Variants in ACER3 observed in about 807,000 individuals in gnomAD.
ACER3 encodes alkaline ceramidase 3, also known as alkCDase 3.
A neutral mutation model predicts 48.9 loss-of-function variants in ACER3; 16 were observed. The observed-to-expected ratio is 0.33, with a 90% confidence interval of 0.22 to 0.50. The LOEUF (loss-of-function observed/expected upper bound fraction) is 0.50. Ranked by LOEUF, ACER3 falls within the 20% of genes least tolerant of loss-of-function variation. The pLI, the probability that ACER3 is intolerant of heterozygous loss-of-function variation, is 0.98. For missense variants in ACER3, 227 were observed against 326.0 expected, an observed-to-expected ratio of 0.70 and a Z score of 2.34; for synonymous variants, 109 against 107.8, an observed-to-expected ratio of 1.01 and a Z score of -0.07.
intron 1 of ACER3, among the ~76,000 whole-genome samples, chr11:76,915,878 A>G (rs1471404474): frequency 6.6e-6 from 1 of 152,186 alleles, no homozygotes; most frequent in Non-Finnish European, 1.5e-5. Context: ...AGTCTCAAGA[A>G]CAGCATGGGG....
intron 1 of ACER3, among the ~76,000 whole-genome samples, chr11:76,892,683 A>T (rs942740918): frequency 2.6e-5 from 4 of 152,064 alleles, no homozygotes; most frequent in Non-Finnish European, 4.4e-5. Context: ...AGATTTGGGA[A>T]TTTTTTTTAA....
chr11:76,952,685 TAGA>T (rs1947715994), intron 2 of ACER3, among the ~76,000 whole-genome samples: 1 of 144,858 alleles, frequency 6.9e-6, no homozygotes. Context: ...TTTTTTTTTT[TAGA>T]CAGAGTCTCA....
Position 77,025,323 on chromosome 11 carries a change from A to G in ACER3, c.*4996A>G, listed in dbSNP as rs1382382052. 6.6e-6 allele frequency: 1 copy of G among 151,142 alleles called. No individual in the cohort carries two copies. The highest frequency in any genetic ancestry group is 1.9e-4 in the East Asian group (1 of 5,190). 9.4% of individuals were successfully genotyped at this position (151,142 alleles called of 1,614,324 possible). On this transcript the variant is annotated 3_prime_UTR_variant, in exon 11 of 11. Coordinates refer to ENST00000532485, the MANE Select transcript of ACER3 (RefSeq NM_018367.7). ...ATCAGGGGTTGGTAAACTACAACCC[A>G]TGGGCCAAATTCAGGCTGCGTTGTA...
chr11:76,940,027 T>A (rs1482441868), intron 2 of ACER3, among the ~76,000 whole-genome samples: 1 of 152,230 alleles, frequency 6.6e-6, no homozygotes, highest in African/African-American at 2.4e-5. Flanking sequence ...TGTAAGAGAA[T>A]GTCCATGCTT....
chr11:77,025,836 GGTACAGTGGTACA>G lies in ACER3; in HGVS notation c.*5522_*5534del, dbSNP rs1206012089. On this transcript the variant is annotated 3_prime_UTR_variant, in exon 11 of 11. Coordinates refer to ENST00000532485, the MANE Select transcript of ACER3 (RefSeq NM_018367.7). ...CCCCTGCTCTAGACTGTCAGCAAGT[GGTACAGTGGTACA>G]GTACAGTGGTACTGCCCAACTGCAC... 13 of 152,302 alleles carry G rather than the reference GGTACAGTGGTACA, an allele frequency of 8.5e-5. No individual in the cohort carries two copies. In the East Asian group the frequency reaches 2.1e-3, roughly 25 times the overall value. 9.4% of individuals were successfully genotyped at this position (152,302 alleles called of 1,614,324 possible).
At chr11:76,976,073 G>A (rs1948434983) in intron 3 of ACER3, among the ~76,000 whole-genome samples, 2 of 151,776 alleles carry the variant, frequency 1.3e-5, no homozygotes, top group Non-Finnish European at 2.9e-5. Context: ...TTTTTGTAGA[G>A]ACAGGATATT....
chr11:76,965,405 C>G (rs1280830110), intron 3 of ACER3, among the ~76,000 whole-genome samples: 1 of 151,372 alleles, frequency 6.6e-6, no homozygotes, highest in South Asian at 2.1e-4. Context: ...TCCAGGAGAA[C>G]TTCCCCAATC....
chr11:76,875,216 T>C (rs1201676824), intron 1 of ACER3, among the ~76,000 whole-genome samples: 1 of 148,834 alleles, frequency 6.7e-6, no homozygotes, highest in Non-Finnish European at 1.5e-5. Flanking sequence ...TGGGTTCAAG[T>C]GATTCTTGTG....
chr11:76,892,823 G>A lies in ACER3; in HGVS notation c.103+31744G>A, dbSNP rs969128756. ...AGTCTTAGCCAGAGCAATTTGTCAC[G>A]AGAAAGAAAGGAATTAAAAGCATCC... On this transcript the variant is annotated intron_variant, in intron 1 of 10. Transcript: ENST00000532485. Among the ~76,000 whole-genome samples the A allele has an allele frequency of 1.6e-4, 24 of 152,114 alleles. 1 individual carries two copies. Among genetic ancestry groups the A allele is most frequent in the Non-Finnish European group, 2.5e-4 (17 of 68,004 alleles).
At chr11:76,901,705 G>A (rs1371801085) in intron 1 of ACER3, among the ~76,000 whole-genome samples, 1 of 152,064 alleles carries the variant, frequency 6.6e-6, no homozygotes, top group East Asian at 1.9e-4. Context: ...GCAAGCAGGG[G>A]GTACGTGACT....
intron 1 of ACER3, among the ~76,000 whole-genome samples, chr11:76,922,001 A>G (rs1946696028): frequency 6.6e-6 from 1 of 152,158 alleles, no homozygotes; most frequent in Non-Finnish European, 1.5e-5. Context: ...AAACATCCCA[A>G]TGAGAAGCTG....
rs1947328806 is a variant in ACER3, at chr11:76,941,037, A to G, written c.214+14370A>G. On this transcript the variant is annotated intron_variant, in intron 2 of 10. Coordinates refer to ENST00000532485, the MANE Select transcript of ACER3 (RefSeq NM_018367.7). Reference sequence around the variant, plus strand: ...AACACACACACACACACACACACACACACGCACACACACACGCACACAGAA... The same window carrying G: ...AACACACACACACACACACACACACGCACGCACACACACACGCACACAGAA... Among the ~76,000 whole-genome samples the G allele has an allele frequency of 2.2e-5, 3 of 136,616 alleles. No homozygotes were observed. In the South Asian group the frequency reaches 6.4e-4, roughly 29 times the overall value. The allele number at this position is 136,616 out of a possible 152,430, so 89.6% of individuals were successfully genotyped here.
chr11:76,947,097 A>G (rs1464198684), intron 2 of ACER3, among the ~76,000 whole-genome samples: 1 of 152,034 alleles, frequency 6.6e-6, no homozygotes, highest in Non-Finnish European at 1.5e-5. Flanking sequence ...TCTCCTAGAC[A>G]ATCTGTTTGA....
At chr11:76,921,198 C>T (rs770387735) in intron 1 of ACER3, among the ~76,000 whole-genome samples, 1 of 152,096 alleles carries the variant, frequency 6.6e-6, no homozygotes, top group Non-Finnish European at 1.5e-5. Context: ...TGAAAAAAAT[C>T]ATTGCCTCTC....
intron 2 of ACER3, among the ~76,000 whole-genome samples, chr11:76,943,077 G>A (rs1212631413): frequency 6.6e-6 from 1 of 151,826 alleles, no homozygotes; most frequent in Non-Finnish European, 1.5e-5. Context: ...GGTTAGTCTA[G>A]CTAGTGGTTT....
intron 9 of ACER3, among the ~76,000 whole-genome samples, chr11:77,019,331 C>T (rs1022375367): frequency 2.0e-5 from 3 of 152,114 alleles, no homozygotes; most frequent in East Asian, 1.9e-4. Context: ...TTGTGGCAGG[C>T]GCCTGTAATC....
intron 1 of ACER3, among the ~76,000 whole-genome samples, chr11:76,924,064 C>T (rs551010294): frequency 6.6e-6 from 1 of 152,248 alleles, no homozygotes; most frequent in South Asian, 2.1e-4. Context: ...GTTTCCTCAT[C>T]AGGGAGCCTG....
chr11:76,870,041 C>A lies in ACER3; in HGVS notation c.103+8962C>A, dbSNP rs918561138. On this transcript the variant is annotated intron_variant, in intron 1 of 10. Transcript: ENST00000532485. The stretch of plus-strand genomic sequence containing the variant: ...CACACCTGGCTACTTTTTTTATTTT[C>A]CGTAGAGATGAGATCTTACTATGTT... Among the ~76,000 whole-genome samples the A allele has an allele frequency of 2.6e-4, 39 of 150,182 alleles. 1 individual carries two copies. Among genetic ancestry groups the A allele is most frequent in the African/African-American group, 9.3e-4 (38 of 40,802 alleles).
At chr11:76,998,423 A>ACGCTAAAGAGAAGAGAGG in intron 6 of ACER3, 1 of 213,528 alleles carries the variant, frequency 4.7e-6, no homozygotes, top group Non-Finnish European at 9.2e-6. Flanking sequence ...GCTGAAAGCA[A>ACGCTAAAGAGAAGAGAGG]AGCTAAAGAG....
Sources: allele counts gnomAD v4.1 joint callset (sites outside exome capture counted in the v4.1 genomes callset), GRCh38; gene constraint gnomAD v4.1.1; transcripts MANE v1.5; gene names NCBI Gene and HGNC (gene_info 2026-07-23, HGNC 2026-07-21).